The following PDXDC1 variants were observed in gnomAD, a reference collection of about 807,000 sequenced individuals.
PDXDC1 encodes pyridoxal dependent decarboxylase domain containing 1.
A neutral mutation model predicts 100.1 loss-of-function variants in PDXDC1; 42 were observed. The observed-to-expected ratio is 0.42, with a 90% CI of 0.33 to 0.54. The LOEUF (loss-of-function observed/expected upper bound fraction) is 0.54. Ranked by LOEUF, PDXDC1 falls within the 20% of genes least tolerant of loss-of-function variation. PDXDC1 has a pLI of 0.10. For synonymous variants in PDXDC1, 260 were observed against 371.7 expected (o/e 0.70, Z 3.46); for missense variants, 636 against 979.2 (o/e 0.65, Z 4.68).
intron 1 of PDXDC1, chr16:14,976,897 C>G (rs1379615357): frequency 6.6e-6 from 1 of 152,444 alleles, no homozygotes; most frequent in African/African-American, 2.4e-5. Context: ...TATCAATTTC[C>G]TAAGAAGGTG....
At chr16:15,136,044 G>C in intron 16 of PDXDC1, 3 of 1,561,360 alleles carry the variant, frequency 1.9e-6, no homozygotes, top group Non-Finnish European at 1.7e-6. Flanking sequence ...AGTTCTGGCA[G>C]CTCTCCAGGC....
intron 16 of PDXDC1, chr16:15,126,024 A>G (rs1476139514): frequency 3.4e-6 from 2 of 593,178 alleles, no homozygotes; most frequent in Admixed American, 5.9e-5. Context: ...GCTAAGGAAC[A>G]GAGTTTTCAA....
chr16:15,127,910 G>A lies in PDXDC1; in HGVS notation c.1400-10969G>A, dbSNP rs531177941. On this transcript the variant is annotated intron_variant, in intron 16 of 16. Transcript: ENST00000535621. ...AGGGCTGCGTGACCTAGAAGGCAGG[G>A]AGGGCCGCACTGCAGGAGGCCACGG... 600 of 1,432,678 alleles carry A rather than the reference G, an allele frequency of 4.2e-4. 13 individuals carry two copies. The South Asian group carries it at 5.4e-3, about 13-fold the overall frequency. 88.7% of individuals were successfully genotyped at this position (1,432,678 alleles called of 1,614,324 possible).
intron 14 of PDXDC1, among the ~76,000 whole-genome samples, chr16:15,027,637 G>A (rs1395069368): frequency 2.0e-5 from 3 of 152,288 alleles, no homozygotes; most frequent in Middle Eastern, 3.2e-3. Context: ...GCCGCTCAGC[G>A]GCCCTGGCCA....
chr16:15,026,424 T>C, intron 13 of PDXDC1: 1 of 566,842 alleles, frequency 1.8e-6, no homozygotes, highest in East Asian at 3.0e-5. Flanking sequence ...TCAAACATCT[T>C]ATAATTCACA....
chr16:14,989,925 C>T lies in PDXDC1; in HGVS notation c.22-7828C>T, dbSNP rs561200200. 174 of 1,500,494 alleles carry T rather than the reference C, an allele frequency of 1.2e-4. No individual in the cohort carries two copies. In the East Asian group the frequency reaches 3.0e-3, roughly 26 times the overall value. The allele number at this position is 1,500,494 out of a possible 1,614,324, so 92.9% of individuals were successfully genotyped here. A position where few individuals can be genotyped will look rare whatever the true frequency, so the allele number is the denominator to read the frequency against. ...AGGGCCCAGCGGTACCGCCTCGCCGCGCTCCCGCAGGCCGCGCCAGGCGCG... is the reference window on the plus strand; with the variant it reads ...AGGGCCCAGCGGTACCGCCTCGCCGTGCTCCCGCAGGCCGCGCCAGGCGCG... On this transcript the variant is annotated intron_variant, in intron 1 of 22. Transcript: ENST00000396410.
chr16:15,047,547 T>C (rs1286494802), intron 16 of PDXDC1: 2 of 1,610,402 alleles, frequency 1.2e-6, no homozygotes, highest in Admixed American at 1.7e-5. Context: ...GGTGGCCCCA[T>C]TACCTGAAGA....
Position 15,061,779 on chromosome 16 carries a change from G to A in PDXDC1, c.1399+31723G>A, listed in dbSNP as rs760370682. On this transcript the variant is annotated intron_variant, in intron 16 of 16. Coordinates refer to the PDXDC1 transcript ENST00000535621. ...CTGGGTTGCATGTACAACACGGGTG[G>A]GGAGCCCACACTACTTGAAGGACTT... 18 of 1,614,020 alleles carry A rather than the reference G, an allele frequency of 1.1e-5. No homozygotes were observed. Among genetic ancestry groups the A allele is most frequent in the Middle Eastern group, 1.7e-4 (1 of 6,056 alleles).
At position 15,136,026 on chromosome 16, in the gene PDXDC1, G is replaced by C. The variant is rs1384018322; in HGVS notation, c.1400-2853G>C. 6.5e-6 allele frequency: 10 copies of C among 1,541,118 alleles called. No homozygotes were observed. In the Admixed American group the frequency reaches 1.6e-4, roughly 25 times the overall value. On this transcript the variant is annotated intron_variant, in intron 16 of 16. Coordinates refer to the PDXDC1 transcript ENST00000535621. ...CGGCTGTGGCTGGGTGTGGCTCCCC[G>C]GGCAGCCAGTTCTGGCAGCTCTCCA...
intron 16 of PDXDC1, chr16:15,123,373 G>C (rs1156969379): frequency 8.7e-6 from 10 of 1,148,378 alleles, no homozygotes; most frequent in Admixed American, 4.0e-5. Flanking sequence ...GTTCCTCAAG[G>C]TCACTTTTGG....
intron 16 of PDXDC1, chr16:15,127,877 A>G (rs1178138844): frequency 1.3e-6 from 2 of 1,557,202 alleles, no homozygotes; most frequent in Non-Finnish European, 1.7e-6. Flanking sequence ...AGGCGCCGGA[A>G]GCGCAACAGG....
chr16:15,033,281 C>G lies in PDXDC1; in HGVS notation c.1694C>G (p.Pro565Arg). 1 of 1,614,180 alleles carries G rather than the reference C, an allele frequency of 6.2e-7. No homozygotes were observed. Among genetic ancestry groups the G allele is most frequent in the Non-Finnish European group, 8.5e-7 (1 of 1,180,028 alleles). The change falls in exon 19 of 23, where the codon CCT becomes CGT. Residue 565 changes from proline to arginine, a missense_variant. Physicochemically the swap from Pro to Arg is moderately radical, Grantham distance 103. Around this residue, in one of 4 missense-constraint regions of PDXDC1, gnomAD observed 452 missense variants for 402.9 expected, o/e 1.12. Coordinates refer to ENST00000396410, the MANE Select transcript of PDXDC1 (RefSeq NM_015027.4). Reference sequence around the variant, plus strand: ...GTTTGTCTCGTTACCTTTGCAGGCCCTGAGTATAAGAGCATGAAGAGCTGC... The same window carrying G: ...GTTTGTCTCGTTACCTTTGCAGGCCGTGAGTATAAGAGCATGAAGAGCTGC... ...LESDLTFKIGPEYKSMKSCLY... is the reference protein window; with the variant it reads ...LESDLTFKIGREYKSMKSCLY...
intron 16 of PDXDC1, among the ~76,000 whole-genome samples, chr16:15,067,075 C>T (rs930885352): frequency 3.5e-5 from 5 of 144,582 alleles, no homozygotes; most frequent in Non-Finnish European, 7.7e-5. Context: ...CACTCACTGC[C>T]GTTGCTTATT....
At chr16:15,027,834 G>A (rs373778926) in intron 14 of PDXDC1, among the ~76,000 whole-genome samples, 1 of 152,262 alleles carries the variant, frequency 6.6e-6, no homozygotes, top group Non-Finnish European at 1.5e-5. Context: ...GGATGGTGGT[G>A]TGGTGGGCCA....
chr16:15,098,266 G>C (rs914565944), intron 16 of PDXDC1, among the ~76,000 whole-genome samples: 2 of 149,080 alleles, frequency 1.3e-5, no homozygotes, highest in African/African-American at 2.5e-5. Context: ...AGTGGCACAA[G>C]CTCAGCTCAC....
rs1014675900 is a variant in PDXDC1, at chr16:15,119,904, A to AT, written c.1400-18969dup. 1.0e-4 allele frequency among the ~76,000 whole-genome samples: 15 copies of AT among 146,646 alleles called. No individual in the cohort carries two copies. In the South Asian group the frequency reaches 1.1e-3, roughly 11 times the overall value. Reference sequence around the variant, plus strand: ...GACAGTGCACTCAGCAAATTTTTGTATTTTTTGTGGAGATGGGGTTTTGCC... The same window carrying AT: ...GACAGTGCACTCAGCAAATTTTTGTATTTTTTTGTGGAGATGGGGTTTTGCC... On this transcript the variant is annotated intron_variant, in intron 16 of 16. Coordinates refer to the PDXDC1 transcript ENST00000535621.
At chr16:15,144,962 G>A in the PDXDC1 span, among the ~76,000 whole-genome samples, 1 of 152,188 alleles carries the variant, frequency 6.6e-6, no homozygotes, top group South Asian at 2.1e-4. Flanking sequence ...CCTGCACACA[G>A]CTGACATGGA....
At chr16:15,065,385 A>C (rs749684452) in intron 16 of PDXDC1, 2 of 1,611,382 alleles carry the variant, frequency 1.2e-6, no homozygotes, top group Admixed American at 3.3e-5. Flanking sequence ...TGGAACAAAA[A>C]AACAACACAG....
Position 15,096,900 on chromosome 16 carries a change from C to A in PDXDC1, c.1400-41979C>A, listed in dbSNP as rs577700672. Among the ~76,000 whole-genome samples, 5 of 152,228 alleles carry A rather than the reference C, an allele frequency of 3.3e-5. No homozygotes were observed. In the South Asian group the frequency reaches 1.0e-3, roughly 32 times the overall value. ...CCCAGGCTGGTCTTGAACCCCCGGC[C>A]CAAGTGATCCTCCCACCTTGGCCTC... On this transcript the variant is annotated intron_variant, in intron 16 of 16. Coordinates refer to the PDXDC1 transcript ENST00000535621.
Sources: allele counts gnomAD v4.1 joint callset (sites outside exome capture counted in the v4.1 genomes callset), GRCh38; gene constraint gnomAD v4.1.1; regional missense constraint gnomAD v4.1.1; transcripts MANE v1.5; gene names NCBI Gene and HGNC (gene_info 2026-07-23, HGNC 2026-07-21).